Variants in B4GALT5 observed in about 807,000 individuals in gnomAD.
The protein encoded by B4GALT5 is UDP-Gal:beta-GlcNAc beta-1,4-galactosyltransferase 5.
Under a neutral mutation model 45.0 loss-of-function variants are expected in B4GALT5, and 11 were observed. The observed-to-expected ratio is 0.24, with a 90% CI of 0.15 to 0.40. B4GALT5 has a LOEUF of 0.40. Among genes scored for constraint, B4GALT5 ranks in the 10% least tolerant of loss-of-function variants. B4GALT5 has a pLI of 1.00. For synonymous variants in B4GALT5, 185 were observed against 182.9 expected, an observed-to-expected ratio of 1.01 and a Z score of -0.09; for missense variants, 337 against 500.2, an observed-to-expected ratio of 0.67 and a Z score of 3.11.
At chr20:49,685,203 C>T (rs749592245) in intron 1 of B4GALT5, among the ~76,000 whole-genome samples, 1 of 152,158 alleles carries the variant, frequency 6.6e-6, no homozygotes, top group Non-Finnish European at 1.5e-5. Flanking sequence ...AGATGTGTTA[C>T]ACAGTTTAAA....
intron 1 of B4GALT5, among the ~76,000 whole-genome samples, chr20:49,687,633 G>A (rs761871273): frequency 2.6e-5 from 4 of 152,128 alleles, no homozygotes; most frequent in Non-Finnish European, 1.5e-5. Flanking sequence ...AACAGAGCAA[G>A]ACTCTGTCCT....
At chr20:49,659,535 AT>A (rs1010322523) in intron 1 of B4GALT5, among the ~76,000 whole-genome samples, 6 of 151,958 alleles carry the variant, frequency 3.9e-5, no homozygotes, top group Non-Finnish European at 7.4e-5. Flanking sequence ...ACCACATAGT[AT>A]TTTTTTTTCT....
chr20:49,660,702 C>T (rs575478604), intron 1 of B4GALT5, among the ~76,000 whole-genome samples: 12 of 152,234 alleles, frequency 7.9e-5, no homozygotes, highest in African/African-American at 2.9e-4. Flanking sequence ...AGTCTTGTTA[C>T]CGGTTGGGCG....
In B4GALT5 at chr20:49,639,744, C is replaced by T. The variant is rs761702769; in HGVS notation, c.851G>A (p.Arg284Gln). 52 of 1,613,516 alleles carry T rather than the reference C, an allele frequency of 3.2e-5. No individual in the cohort carries two copies. The highest frequency in any genetic ancestry group is 6.7e-5 in the African/African-American group (5 of 74,866). The change falls in exon 7 of 9, where the codon CGG (arginine) becomes CAG (glutamine). Residue 284 changes from arginine (R) to glutamine (Q), a missense_variant. Arg to Gln is a conservative substitution (Grantham distance 43, BLOSUM62 1). Coordinates refer to ENST00000371711, the MANE Select transcript of B4GALT5 (RefSeq NM_004776.4). ...AGCATTAGGAAAGCCATTGATTTTCCGAAATTGTTCCACTGTTAAGCCACT... is the reference window on the plus strand; with the variant it reads ...AGCATTAGGAAAGCCATTGATTTTCTGAAATTGTTCCACTGTTAAGCCACT... ...GVSGLTVEQF[R>Q]KINGFPNAFW...
intron 1 of B4GALT5, among the ~76,000 whole-genome samples, chr20:49,700,701 G>A (rs1355972367): frequency 2.0e-5 from 3 of 152,154 alleles, no homozygotes; most frequent in Admixed American, 6.5e-5. Flanking sequence ...TAATCCAGAC[G>A]ACTACTAAAT....
At chr20:49,710,977 G>A (rs949558984) in intron 1 of B4GALT5, among the ~76,000 whole-genome samples, 1 of 151,770 alleles carries the variant, frequency 6.6e-6, no homozygotes, top group Non-Finnish European at 1.5e-5. Flanking sequence ...CAGCTACTCA[G>A]GAGGCTGAGG....
At chr20:49,681,215 C>CT (rs2085762566) in intron 1 of B4GALT5, among the ~76,000 whole-genome samples, 1 of 20,896 alleles carries the variant, frequency 4.8e-5, no homozygotes, top group African/African-American at 6.0e-4. Flanking sequence ...GACCCCATCT[C>CT]TAAAAAAAAA....
chr20:49,692,068 A>G (rs916735560), intron 1 of B4GALT5, among the ~76,000 whole-genome samples: 13 of 152,146 alleles, frequency 8.5e-5, no homozygotes, highest in African/African-American at 2.7e-4. Context: ...GTCTGTAAAG[A>G]GGCCTCAGAC....
intron 3 of B4GALT5, among the ~76,000 whole-genome samples, chr20:49,644,605 T>G (rs1362966028): frequency 2.6e-5 from 4 of 152,242 alleles, no homozygotes. Context: ...AACAATGAAC[T>G]AATAACATTA....
chr20:49,713,628 G>A lies in B4GALT5; in HGVS notation c.63C>T (p.Phe21=). 6.3e-7 allele frequency: 1 copy of A among 1,586,260 alleles called. No individual in the cohort carries two copies. Among genetic ancestry groups the A allele is most frequent in the Non-Finnish European group, 8.6e-7 (1 of 1,168,408 alleles). ...PRRSLLAALF[F]FSLSSSLLYF... ...ACAGCAGCGAGGACGAGAGAGAAAAGAAGAAGAGCGCGGCGAGCAGCGAGC... is the reference window on the plus strand; with the variant it reads ...ACAGCAGCGAGGACGAGAGAGAAAAAAAGAAGAGCGCGGCGAGCAGCGAGC... Residue 21 remains phenylalanine (F), a synonymous_variant, in exon 1 of 9, where the codon TTC becomes TTT. Coordinates refer to ENST00000371711, the MANE Select transcript of B4GALT5 (RefSeq NM_004776.4).
intron 1 of B4GALT5, among the ~76,000 whole-genome samples, chr20:49,695,536 C>T (rs1422130145): frequency 2.6e-5 from 4 of 152,066 alleles, no homozygotes; most frequent in African/African-American, 7.2e-5. Flanking sequence ...CTCAGCCTCC[C>T]GAGTAGCTGG....
intron 1 of B4GALT5, among the ~76,000 whole-genome samples, chr20:49,697,420 T>C (rs1568733583): frequency 6.6e-6 from 1 of 152,202 alleles, no homozygotes; most frequent in African/African-American, 2.4e-5. Flanking sequence ...AAAGCTTAAA[T>C]CCTCTGGAAA....
At chr20:49,640,770 C>T (rs1213987075) in intron 5 of B4GALT5, 105 bp from the exon 6 acceptor site, 1 of 1,202,264 alleles carries the variant, frequency 8.3e-7, no homozygotes, top group Non-Finnish European at 1.1e-6. Context: ...GAAAAGATCA[C>T]TGGGCTAGTG....
chr20:49,677,918 G>C (rs1165849177), intron 1 of B4GALT5, among the ~76,000 whole-genome samples: 2 of 152,134 alleles, frequency 1.3e-5, no homozygotes, highest in African/African-American at 2.4e-5. Context: ...GCTAATTTTT[G>C]TATTTTTTAG....
intron 1 of B4GALT5, among the ~76,000 whole-genome samples, chr20:49,664,731 G>C (rs1018308499): frequency 6.6e-6 from 1 of 152,102 alleles, no homozygotes; most frequent in African/African-American, 2.4e-5. Context: ...TGCATAATGC[G>C]CTTATTCTCA....
chr20:49,681,273 T>G (rs2085763086), intron 1 of B4GALT5, among the ~76,000 whole-genome samples: 2 of 147,744 alleles, frequency 1.4e-5, no homozygotes, highest in Non-Finnish European at 3.0e-5. Flanking sequence ...AATAATAAAC[T>G]TAGCCGGAAG....
At chr20:49,704,571 T>C (rs2085876235) in intron 1 of B4GALT5, among the ~76,000 whole-genome samples, 1 of 150,998 alleles carries the variant, frequency 6.6e-6, no homozygotes, top group African/African-American at 2.4e-5. Context: ...TACAAAAAAT[T>C]AGCCGGGCGT....
intron 2 of B4GALT5, among the ~76,000 whole-genome samples, chr20:49,648,868 C>T (rs1406079134): frequency 6.6e-6 from 1 of 152,220 alleles, no homozygotes; most frequent in Admixed American, 6.5e-5. Context: ...TCCAACTAAA[C>T]TCTGAATGAG....
In B4GALT5 at chr20:49,636,318, C is replaced by G; in HGVS notation, c.1161G>C (p.Glu387Asp). Residue 387 changes from glutamate (E) to aspartate (D), a missense_variant, in exon 9 of 9, where the codon GAG becomes GAC. This residue lies in a region of B4GALT5 where 163 missense variants were observed against 292.8 expected (regional missense o/e 0.56). Transcript: ENST00000371711. ...NLTPELAQVN[E>D]Y Reference sequence around the variant, plus strand: ...AAACGTACATTCTCTCCTCTCAGTACTCGTTCACCTGAGCCAGCTCGGGTG... The same window carrying G: ...AAACGTACATTCTCTCCTCTCAGTAGTCGTTCACCTGAGCCAGCTCGGGTG... 6.2e-7 allele frequency: 1 copy of G among 1,614,104 alleles called. No individual in the cohort carries two copies. The highest frequency in any genetic ancestry group is 2.2e-5 in the East Asian group (1 of 44,880).
Sources: allele counts gnomAD v4.1 joint callset (sites outside exome capture counted in the v4.1 genomes callset), GRCh38; gene constraint gnomAD v4.1.1; regional missense constraint gnomAD v4.1.1; transcripts MANE v1.5; gene names NCBI Gene and HGNC (gene_info 2026-07-23, HGNC 2026-07-21).